CAB39L: variants seen among roughly 807,000 people sequenced by gnomAD.
CAB39L encodes the protein calcium binding protein 39 like.
In CAB39L, 23 loss-of-function variants were observed where a neutral mutation model predicts 39.1. The observed-to-expected ratio is 0.59, with a 90% CI of 0.42 to 0.83. The LOEUF is 0.83. CAB39L is among the 40% of genes least tolerant of loss of function. The pLI, the probability that CAB39L is intolerant of heterozygous loss-of-function variation, is 0.00. For synonymous variants in CAB39L, 126 were observed against 137.2 expected (o/e 0.92, Z 0.57); for missense variants, 366 against 391.9 (o/e 0.93, Z 0.56).
chr13:49,386,997 T>A (rs925321540), intron 3 of CAB39L, among the ~76,000 whole-genome samples: 1 of 152,192 alleles, frequency 6.6e-6, no homozygotes, highest in African/African-American at 2.4e-5. Flanking sequence ...ATTTAAGCAA[T>A]GAAGCAAGTA....
At chr13:49,330,784 G>T (rs1954668955) in intron 10 of CAB39L, among the ~76,000 whole-genome samples, 1 of 151,084 alleles carries the variant, frequency 6.6e-6, no homozygotes, top group African/African-American at 2.4e-5. Context: ...TCTATCAGAA[G>T]ATAAGAATCT....
intron 3 of CAB39L, among the ~76,000 whole-genome samples, chr13:49,383,504 C>T (rs1956291238): frequency 6.6e-6 from 1 of 152,032 alleles, no homozygotes; most frequent in South Asian, 2.1e-4. Flanking sequence ...AATCAATGAT[C>T]AAATATTTTG....
At chr13:49,368,819 G>A in intron 5 of CAB39L, among the ~76,000 whole-genome samples, 1 of 152,088 alleles carries the variant, frequency 6.6e-6, no homozygotes, top group East Asian at 1.9e-4. Context: ...GAAGAAAGAG[G>A]TGGTGAACAG....
intron 1 of CAB39L, among the ~76,000 whole-genome samples, chr13:49,440,617 G>A (rs1351468515): frequency 1.3e-5 from 2 of 151,748 alleles, no homozygotes; most frequent in African/African-American, 4.8e-5. Flanking sequence ...AGCATGGAGT[G>A]TTTTTCCATT....
intron 5 of CAB39L, among the ~76,000 whole-genome samples, chr13:49,366,626 T>TAA (rs770961088): frequency 0.053 from 3,256 of 61,910 alleles, 144 homozygotes; most frequent in African/African-American, 0.06. Context: ...AAACTCTGTC[T>TAA]AAAAAAAAAA....
At chr13:49,426,573 C>G (rs190429978) in intron 3 of CAB39L, among the ~76,000 whole-genome samples, 16 of 152,232 alleles carry the variant, frequency 1.1e-4, no homozygotes, top group Non-Finnish European at 2.1e-4. Flanking sequence ...ACTACAGGCG[C>G]CTGCCACCAC....
At chr13:49,329,669 T>C (rs1466311507) in intron 10 of CAB39L, among the ~76,000 whole-genome samples, 1 of 150,068 alleles carries the variant, frequency 6.7e-6, no homozygotes, top group Non-Finnish European at 1.5e-5. Context: ...ACAATTACCT[T>C]ATAAACTGCC....
chr13:49,401,587 C>G (rs541169589), intron 3 of CAB39L: 1 of 152,148 alleles, frequency 6.6e-6, no homozygotes, highest in South Asian at 2.1e-4. Context: ...CCTCCTCAGT[C>G]CTGTAACGTC....
chr13:49,396,742 G>A (rs767576562), intron 3 of CAB39L, among the ~76,000 whole-genome samples: 1 of 151,880 alleles, frequency 6.6e-6, no homozygotes. Flanking sequence ...AAAGGTCAGG[G>A]ATGCTATTCC....
intron 3 of CAB39L, among the ~76,000 whole-genome samples, chr13:49,419,740 A>C (rs1443350243): frequency 2.6e-5 from 4 of 152,190 alleles, no homozygotes; most frequent in Non-Finnish European, 5.9e-5. Context: ...ATATTTTGCA[A>C]GAGATGGTGG....
intron 3 of CAB39L, among the ~76,000 whole-genome samples, chr13:49,418,338 G>C (rs1329681799): frequency 2.0e-5 from 3 of 152,140 alleles, no homozygotes; most frequent in African/African-American, 2.4e-5. Flanking sequence ...CAAATCCAGA[G>C]ACATAAAATA....
rs1324831728 is a variant in CAB39L, at chr13:49,444,035, C to A, written c.-295G>T. ...TCCAGTGATGCCGGCCTCTCGACTA[C>A]GAGTAACTCCATTGGCTCAGCTACA... On this transcript the variant is annotated 5_prime_UTR_variant, in exon 1 of 11. Coordinates refer to ENST00000409308, the MANE Select transcript of CAB39L (RefSeq NM_001079670.3). The A allele has an allele frequency of 2.2e-6, 1 of 456,212 alleles. No homozygotes were observed. The highest frequency in any genetic ancestry group is 2.4e-5 in the Admixed American group (1 of 42,512). The allele number at this position is 456,212 out of a possible 1,614,324, so 28.3% of individuals were successfully genotyped here.
At chr13:49,351,243 C>A (rs962718703) in intron 6 of CAB39L, 1 of 176,726 alleles carries the variant, frequency 5.7e-6, no homozygotes. Context: ...AAATACGCCA[C>A]ATTATAAAGG....
At chr13:49,339,278 C>A (rs1313916690) in intron 9 of CAB39L, among the ~76,000 whole-genome samples, 2 of 151,796 alleles carry the variant, frequency 1.3e-5, no homozygotes, top group African/African-American at 2.4e-5. Context: ...TTACAGGAGC[C>A]CACCACCACG....
chr13:49,382,756 C>T (rs1008306614), intron 4 of CAB39L, 44 bp downstream of exon 4: 10 of 1,212,114 alleles, frequency 8.3e-6, no homozygotes, highest in South Asian at 3.8e-5. Flanking sequence ...TTTGGCATTG[C>T]GATGCATGTA....
intron 10 of CAB39L, among the ~76,000 whole-genome samples, chr13:49,331,582 T>C (rs945944927): frequency 3.3e-5 from 5 of 152,194 alleles, no homozygotes; most frequent in Non-Finnish European, 7.3e-5. Context: ...TACCCGACTG[T>C]GTCTTCAGGG....
intron 9 of CAB39L, among the ~76,000 whole-genome samples, chr13:49,339,015 T>C (rs1227626466): frequency 2.6e-5 from 4 of 151,886 alleles, no homozygotes; most frequent in Admixed American, 6.6e-5. Flanking sequence ...TATATAAACA[T>C]AATTTGATAG....
intron 10 of CAB39L, among the ~76,000 whole-genome samples, chr13:49,323,892 A>G (rs979378231): frequency 6.6e-6 from 1 of 152,184 alleles, no homozygotes; most frequent in Non-Finnish European, 1.5e-5. Flanking sequence ...TTTTAATGTT[A>G]GTATGTTCCG....
At position 49,329,227 on chromosome 13, in the gene CAB39L, T is replaced by C. The variant is rs1182766564; in HGVS notation, c.834+2720A>G. ...ATCCATAACAAGTCTTAATATCTGGTAGAGAAGATTACTTCCTTCTTCAAA... is the reference window on the plus strand; with the variant it reads ...ATCCATAACAAGTCTTAATATCTGGCAGAGAAGATTACTTCCTTCTTCAAA... On this transcript the variant is annotated intron_variant, in intron 10 of 10. Coordinates refer to ENST00000409308, the MANE Select transcript of CAB39L (RefSeq NM_001079670.3). Among the ~76,000 whole-genome samples, 4 of 152,138 alleles carry C rather than the reference T, an allele frequency of 2.6e-5. No homozygotes were observed. The South Asian group carries it at 6.2e-4, about 24-fold the overall frequency.
Sources: gnomAD v4.1 joint callset for allele counts (sites outside exome capture counted in the v4.1 genomes callset) on GRCh38, gnomAD v4.1.1 for gene constraint, MANE v1.5 for transcripts, NCBI Gene and HGNC (gene_info 2026-07-23, HGNC 2026-07-21) for gene names.